The following SERINC5 variants were observed in gnomAD, a reference collection of about 807,000 sequenced individuals.
SERINC5 encodes the protein chromosome 5 open reading frame 12.
A neutral mutation model predicts 63.1 loss-of-function variants in SERINC5; 41 were observed. The ratio of observed to expected loss-of-function variants is 0.65; its 90% CI spans 0.51 to 0.84. The LOEUF is 0.84. SERINC5 is among the 40% of genes least tolerant of loss of function. The probability of loss-of-function intolerance (pLI) is 0.00; values close to 1 mark genes in which losing one functional copy is unlikely to be tolerated. For missense variants in SERINC5, 523 were observed against 573.0 expected, an observed-to-expected ratio of 0.91 and a Z score of 0.89; for synonymous variants, 222 against 215.2, an observed-to-expected ratio of 1.03 and a Z score of -0.28.
chr5:80,173,495 C>T (rs913378839), intron 5 of SERINC5, among the ~76,000 whole-genome samples: 3 of 152,160 alleles, frequency 2.0e-5, no homozygotes, highest in Non-Finnish European at 4.4e-5. Context: ...ACTTGAGAGG[C>T]TGAGGCAGGA....
intron 1 of SERINC5, among the ~76,000 whole-genome samples, chr5:80,229,373 A>G (rs1751338836): frequency 7.1e-6 from 1 of 140,844 alleles, no homozygotes; most frequent in South Asian, 2.3e-4. Context: ...CTAATTTAAC[A>G]TCTCAGAATC....
chr5:80,155,390 C>A (rs985844292), intron 8 of SERINC5, among the ~76,000 whole-genome samples: 2 of 152,122 alleles, frequency 1.3e-5, no homozygotes, highest in Admixed American at 1.3e-4. Context: ...CATGGTGAAA[C>A]CCCGTCTCTA....
chr5:80,203,273 T>TGG, intron 1 of SERINC5: 1 of 193,520 alleles, frequency 5.2e-6, no homozygotes, highest in South Asian at 9.8e-5. Flanking sequence ...TATATATATG[T>TGG]GTATATATAT....
At chr5:80,237,118 C>T (rs969157443) in intron 1 of SERINC5, among the ~76,000 whole-genome samples, 1 of 152,248 alleles carries the variant, frequency 6.6e-6, no homozygotes, top group South Asian at 2.1e-4. Flanking sequence ...TGAGCCACTG[C>T]GCCCGGCCCC....
Position 80,140,535 on chromosome 5 carries a change from ATTTC to A in SERINC5, c.*3124_*3127del. On this transcript the variant is annotated 3_prime_UTR_variant, in exon 12 of 12. Transcript: ENST00000507668. Reference sequence around the variant, plus strand: ...AGGCTCCAAATACCTCTGGCAAATAATTTCTTTTTCAGACAAAATGAAGAACCTT... The same window carrying A: ...AGGCTCCAAATACCTCTGGCAAATAATTTTTCAGACAAAATGAAGAACCTT... 1 of 984,960 alleles carries A rather than the reference ATTTC, an allele frequency of 1.0e-6. No homozygotes were observed. The highest frequency in any genetic ancestry group is 1.2e-6 in the Non-Finnish European group (1 of 829,798). The allele number at this position is 984,960 out of a possible 1,614,324, so 61.0% of individuals were successfully genotyped here.
intron 2 of SERINC5, among the ~76,000 whole-genome samples, chr5:80,196,879 G>A (rs1157063911): frequency 6.6e-6 from 1 of 151,896 alleles, no homozygotes; most frequent in Non-Finnish European, 1.5e-5. Context: ...GGCGGGGGTT[G>A]CTGTGAGCCG....
At chr5:80,158,569 T>C (rs1295750370) in intron 8 of SERINC5, 2 of 395,052 alleles carry the variant, frequency 5.1e-6, no homozygotes, top group East Asian at 4.6e-5. Flanking sequence ...ATGCCATATA[T>C]TTGCTTTATT....
intron 2 of SERINC5, among the ~76,000 whole-genome samples, chr5:80,180,088 G>A (rs1263527375): frequency 6.6e-6 from 1 of 151,934 alleles, no homozygotes; most frequent in Non-Finnish European, 1.5e-5. Flanking sequence ...CTTTATTAGT[G>A]GGTCTTAATC....
rs979085665 is a variant in SERINC5, at chr5:80,178,061, G to C, written c.199C>G (p.Pro67Ala). Reference sequence around the variant, plus strand: ...CCTTTACACATATCTTCAAAAAAAGGAATCTGAGGAGAAAGTTTAGAAAAG... The same window carrying C: ...CCTTTACACATATCTTCAAAAAAAGCAATCTGAGGAGAAAGTTTAGAAAAG... ...TVAHKMKEHI[P>A]FFEDMCKGIK... The change falls in exon 3 of 12, where the codon CCT (proline) becomes GCT (alanine). Residue 67 changes from proline to alanine, a missense_variant. By Grantham distance (27) the Pro-to-Ala change is conservative. Coordinates refer to ENST00000507668, the MANE Select transcript of SERINC5 (RefSeq NM_001174072.3). 1.1e-5 allele frequency: 18 copies of C among 1,592,854 alleles called. No homozygotes were observed. The highest frequency in any genetic ancestry group is 1.5e-5 in the Non-Finnish European group (17 of 1,171,978).
At chr5:80,178,247 T>C (rs369512983) in intron 2 of SERINC5, among the ~76,000 whole-genome samples, 183 bp from the exon 3 acceptor site, 1 of 152,310 alleles carries the variant, frequency 6.6e-6, no homozygotes, top group East Asian at 1.9e-4. Context: ...TTTTTAAAGA[T>C]ACAGTGATCA....
chr5:80,111,419 A>G (rs1057136436), downstream of SERINC5, among the ~76,000 whole-genome samples: 1 of 152,228 alleles, frequency 6.6e-6, no homozygotes, highest in African/African-American at 2.4e-5. Context: ...CAGGAAAGCA[A>G]ACAGTTCCAG....
chr5:80,178,535 GTAT>G (rs1748196581), intron 2 of SERINC5, among the ~76,000 whole-genome samples: 3 of 81,556 alleles, frequency 3.7e-5, no homozygotes, highest in African/African-American at 1.3e-4. Flanking sequence ...GCTAATTTTT[GTAT>G]TTTTTTTTTT....
intron 4 of SERINC5, among the ~76,000 whole-genome samples, chr5:80,176,862 T>C (rs918716144): frequency 3.9e-5 from 6 of 152,196 alleles, no homozygotes; most frequent in Admixed American, 1.3e-4. Flanking sequence ...TCAGCTATGA[T>C]TAAAGGCTTC....
At chr5:80,237,204 T>G (rs978597605) in intron 1 of SERINC5, among the ~76,000 whole-genome samples, 7 of 152,206 alleles carry the variant, frequency 4.6e-5, no homozygotes, top group African/African-American at 1.7e-4. Context: ...GCAGGGGCAG[T>G]GTTTTCACAA....
rs896637301 is a variant in SERINC5, at chr5:80,140,264, G to A, written c.*3399C>T. The A allele has an allele frequency of 1.7e-5, 15 of 902,288 alleles. No homozygotes were observed. Among genetic ancestry groups the A allele is most frequent in the Non-Finnish European group, 1.9e-5 (15 of 779,720 alleles). 55.9% of individuals were successfully genotyped at this position (902,288 alleles called of 1,614,324 possible). A position where few individuals can be genotyped will look rare whatever the true frequency, so the allele number is the denominator to read the frequency against. ...CAAGCCTGCCATGAGTCAAGATCAT[G>A]TCACTGCACTCCAGCGTGGCTGACA... On this transcript the variant is annotated 3_prime_UTR_variant, in exon 12 of 12. Transcript: ENST00000507668.
chr5:80,215,430 A>T (rs1406329045), intron 1 of SERINC5, among the ~76,000 whole-genome samples: 2 of 152,242 alleles, frequency 1.3e-5, no homozygotes, highest in Non-Finnish European at 2.9e-5. Context: ...TCTTTTCTTT[A>T]TAAATTACCT....
intron 1 of SERINC5, 25 bp downstream of exon 1, chr5:80,255,871 C>T (rs1006988233): frequency 3.8e-6 from 6 of 1,589,480 alleles, no homozygotes; most frequent in Non-Finnish European, 5.1e-6. Context: ...CTGACAACCC[C>T]CGCGCTGCGC....
intron 11 of SERINC5, among the ~76,000 whole-genome samples, chr5:80,124,915 C>A (rs900945131): frequency 6.6e-6 from 1 of 152,100 alleles, no homozygotes; most frequent in South Asian, 2.1e-4. Context: ...GAAGCCCATC[C>A]CTGTCACTGT....
intron 1 of SERINC5, among the ~76,000 whole-genome samples, chr5:80,228,266 AGGAG>A (rs1289318409): frequency 1.0e-3 from 66 of 65,280 alleles, no homozygotes; most frequent in African/African-American, 3.8e-3. Flanking sequence ...AGGGAAGGAA[AGGAG>A]GGAGGGAGGG....
Sources: gnomAD v4.1 joint callset for allele counts (sites outside exome capture counted in the v4.1 genomes callset) on GRCh38, gnomAD v4.1.1 for gene constraint, MANE v1.5 for transcripts, NCBI Gene and HGNC (gene_info 2026-07-23, HGNC 2026-07-21) for gene names.